NOL4: variants seen among roughly 807,000 people sequenced by gnomAD.
NOL4 encodes nucleolar protein 4.
In NOL4, 17 loss-of-function variants were observed where a neutral mutation model predicts 75.9. That is an observed-to-expected ratio of 0.22 (90% CI 0.15 to 0.34). The LOEUF (loss-of-function observed/expected upper bound fraction) is 0.34, where lower values mean the gene tolerates loss of function less well. Among genes scored for constraint, NOL4 ranks in the 10% least tolerant of loss-of-function variants. The pLI, the probability that NOL4 is intolerant of heterozygous loss-of-function variation, is 1.00. For missense variants in NOL4, 614 were observed against 793.5 expected (o/e 0.77, Z 2.72); for synonymous variants, 292 against 289.9 (o/e 1.01, Z -0.07).
chr18:33,870,252 A>G (rs1211225440), intron 10 of NOL4, among the ~76,000 whole-genome samples: 1 of 152,050 alleles, frequency 6.6e-6, no homozygotes, highest in Admixed American at 6.6e-5. Context: ...ACAAAAAGAC[A>G]GATGCTGCAT....
At chr18:34,072,711 C>T (rs2077575138) in intron 5 of NOL4, among the ~76,000 whole-genome samples, 1 of 152,010 alleles carries the variant, frequency 6.6e-6, no homozygotes, top group Non-Finnish European at 1.5e-5. Flanking sequence ...CAGCAAGTTA[C>T]AAAAAATTTT....
intron 1 of NOL4, among the ~76,000 whole-genome samples, chr18:34,203,707 T>TCA (rs2035906747): frequency 6.7e-5 from 7 of 104,870 alleles, no homozygotes; most frequent in Admixed American, 6.2e-4. Flanking sequence ...TCTCTCTCTC[T>TCA]CTCTCTCTCT....
At chr18:34,004,181 T>C (rs917631211) in intron 6 of NOL4, among the ~76,000 whole-genome samples, 1 of 152,036 alleles carries the variant, frequency 6.6e-6, no homozygotes, top group African/African-American at 2.4e-5. Flanking sequence ...CTCCTCTCCC[T>C]TCCAGTTATC....
chr18:33,931,539 T>C (rs1274379340), intron 9 of NOL4, among the ~76,000 whole-genome samples: 1 of 151,978 alleles, frequency 6.6e-6, no homozygotes, highest in African/African-American at 2.4e-5. Context: ...GAGACCAACC[T>C]GGGCAACACA....
At chr18:34,109,374 T>C (rs1408339549) in intron 2 of NOL4, among the ~76,000 whole-genome samples, 1 of 151,702 alleles carries the variant, frequency 6.6e-6, no homozygotes, top group East Asian at 1.9e-4. Flanking sequence ...TAAAAATTCG[T>C]CGGGCATGGT....
intron 9 of NOL4, among the ~76,000 whole-genome samples, chr18:33,940,801 C>T (rs973251923): frequency 3.3e-5 from 5 of 151,828 alleles, no homozygotes; most frequent in African/African-American, 1.2e-4. Context: ...CAGAGCCTTG[C>T]AATAAATATA....
chr18:34,163,883 C>G, intron 1 of NOL4, among the ~76,000 whole-genome samples: 1 of 152,038 alleles, frequency 6.6e-6, no homozygotes, highest in Non-Finnish European at 1.5e-5. Flanking sequence ...GTACTGGTAC[C>G]AAAACAGAGA....
chr18:34,052,775 T>C (rs537402247), intron 5 of NOL4, among the ~76,000 whole-genome samples: 28 of 152,144 alleles, frequency 1.8e-4, no homozygotes, highest in African/African-American at 6.7e-4. Flanking sequence ...CGAGAGAATC[T>C]AGGAGAGAAC....
intron 1 of NOL4, among the ~76,000 whole-genome samples, chr18:34,191,107 G>A (rs894980499): frequency 3.9e-5 from 6 of 152,002 alleles, no homozygotes; most frequent in Admixed American, 3.3e-4. Context: ...TTAAAAATAC[G>A]ACTACATGAT....
intron 5 of NOL4, among the ~76,000 whole-genome samples, chr18:34,038,589 A>G (rs1426405665): frequency 6.6e-6 from 1 of 152,100 alleles, no homozygotes; most frequent in Non-Finnish European, 1.5e-5. Context: ...TTGCAGCAAC[A>G]TGGGTGGAAC....
intron 6 of NOL4, among the ~76,000 whole-genome samples, chr18:33,978,115 G>A (rs1225581748): frequency 6.6e-6 from 1 of 152,136 alleles, no homozygotes; most frequent in Admixed American, 6.6e-5. Flanking sequence ...AGAATATTGG[G>A]TTGGTGACCA....
intron 4 of NOL4, among the ~76,000 whole-genome samples, chr18:34,098,426 C>G (rs1203335003): frequency 6.6e-6 from 1 of 152,110 alleles, no homozygotes; most frequent in Non-Finnish European, 1.5e-5. Flanking sequence ...CATCAAGGAA[C>G]CGGGTACTTA....
chr18:34,049,887 G>GA (rs1469455959), intron 5 of NOL4, among the ~76,000 whole-genome samples: 1 of 152,092 alleles, frequency 6.6e-6, no homozygotes, highest in South Asian at 2.1e-4. Context: ...TGGCCTTCTA[G>GA]AAAATCATAG....
At chr18:34,120,217 A>G (rs1435424599) in intron 2 of NOL4, among the ~76,000 whole-genome samples, 1 of 152,186 alleles carries the variant, frequency 6.6e-6, no homozygotes, top group East Asian at 1.9e-4. Flanking sequence ...GGTAGGTGGA[A>G]GCAATTATTG....
At chr18:33,914,018 G>A (rs1411771781) in intron 9 of NOL4, among the ~76,000 whole-genome samples, 1 of 152,062 alleles carries the variant, frequency 6.6e-6, no homozygotes, top group Admixed American at 6.6e-5. Context: ...TCTCTCAGAG[G>A]TTTGTCTTCT....
At chr18:34,058,111 C>G (rs1423016020) in intron 5 of NOL4, among the ~76,000 whole-genome samples, 1 of 152,086 alleles carries the variant, frequency 6.6e-6, no homozygotes, top group East Asian at 1.9e-4. Flanking sequence ...CTATATTGTG[C>G]TCTTCCTCTG....
chr18:34,134,995 C>T (rs928791122), intron 1 of NOL4, among the ~76,000 whole-genome samples: 2 of 152,050 alleles, frequency 1.3e-5, no homozygotes, highest in African/African-American at 2.4e-5. Context: ...TATCTTTTCA[C>T]CTTAGTAACC....
intron 5 of NOL4, among the ~76,000 whole-genome samples, chr18:34,038,127 G>C (rs2075991000): frequency 6.6e-6 from 1 of 151,928 alleles, no homozygotes; most frequent in South Asian, 2.1e-4. Flanking sequence ...ATGGTTAATA[G>C]GTATATGAAA....
At chr18:34,213,357 T>C (rs888609391) in intron 1 of NOL4, among the ~76,000 whole-genome samples, 6 of 152,206 alleles carry the variant, frequency 3.9e-5, no homozygotes, top group African/African-American at 1.4e-4. Context: ...TGGTGCAATC[T>C]TGGCTCACTG....
Sources: gnomAD v4.1 joint callset for allele counts (sites outside exome capture counted in the v4.1 genomes callset) on GRCh38, gnomAD v4.1.1 for gene constraint, MANE v1.5 for transcripts, NCBI Gene and HGNC (gene_info 2026-07-23, HGNC 2026-07-21) for gene names.